Variants in FILIP1L observed in about 807,000 individuals in gnomAD.
FILIP1L encodes filamin A interacting protein 1 like, also known as filamin A-interacting protein 1-like.
In FILIP1L, 55 loss-of-function variants were observed where a neutral mutation model predicts 96.6. The observed-to-expected ratio is 0.57, with a 90% CI of 0.46 to 0.71. FILIP1L has a LOEUF of 0.71. Ranked by LOEUF, FILIP1L falls within the 30% of genes least tolerant of loss-of-function variation. FILIP1L has a pLI of 0.00. For missense variants in FILIP1L, 1,304 were observed against 1,321.2 expected, an observed-to-expected ratio of 0.99 and a Z score of 0.20; for synonymous variants, 467 against 473.9, an observed-to-expected ratio of 0.99 and a Z score of 0.19.
At chr3:99,880,456 C>T (rs1428996918) in intron 4 of FILIP1L, among the ~76,000 whole-genome samples, 5 of 152,036 alleles carry the variant, frequency 3.3e-5, no homozygotes, top group Non-Finnish European at 7.3e-5. Context: ...AATCTCTGGT[C>T]CCAGGCCTAT....
intron 1 of FILIP1L, among the ~76,000 whole-genome samples, chr3:100,071,051 A>G (rs1033816791): frequency 3.3e-5 from 5 of 150,770 alleles, no homozygotes; most frequent in Non-Finnish European, 7.4e-5. Context: ...TTTTTTTAAA[A>G]GAAAGGGGTT....
intron 4 of FILIP1L, among the ~76,000 whole-genome samples, chr3:99,911,466 T>C (rs1412318903): frequency 6.6e-6 from 1 of 152,018 alleles, no homozygotes; most frequent in Non-Finnish European, 1.5e-5. Flanking sequence ...GGTTGAGATT[T>C]TTCTGCATGA....
At chr3:100,081,031 T>G (rs1455497434) in intron 1 of FILIP1L, among the ~76,000 whole-genome samples, 1 of 152,240 alleles carries the variant, frequency 6.6e-6, no homozygotes, top group East Asian at 1.9e-4. Flanking sequence ...GAGCATCTTG[T>G]GTAATGAAGG....
intron 1 of FILIP1L, among the ~76,000 whole-genome samples, chr3:100,079,875 A>C (rs1356150514): frequency 6.6e-6 from 1 of 152,204 alleles, no homozygotes; most frequent in East Asian, 1.9e-4. Flanking sequence ...ACATAAAATA[A>C]ACATAGATGT....
At chr3:100,069,094 G>C (rs1048610331) in intron 1 of FILIP1L, among the ~76,000 whole-genome samples, 2 of 152,142 alleles carry the variant, frequency 1.3e-5, no homozygotes, top group African/African-American at 2.4e-5. Context: ...CAAGTCTGGT[G>C]CCTCAAACTA....
At chr3:99,990,019 A>G (rs1709465964) in intron 1 of FILIP1L, among the ~76,000 whole-genome samples, 1 of 152,196 alleles carries the variant, frequency 6.6e-6, no homozygotes, top group Non-Finnish European at 1.5e-5. Flanking sequence ...ATTAAGAAGT[A>G]TGAGTCTTTA....
intron 1 of FILIP1L, among the ~76,000 whole-genome samples, chr3:100,098,316 C>CCTAT (rs1559756876): frequency 6.6e-6 from 1 of 152,126 alleles, no homozygotes; most frequent in East Asian, 1.9e-4. Context: ...AGTGAAAAAC[C>CCTAT]CTATATTTGA....
Position 100,098,167 on chromosome 3 carries a change from C to G in FILIP1L, c.-11+15886G>C, listed in dbSNP as rs192292219. ...TTGCAGCACAGCCAGCTGAAAGCCT[C>G]CCTGTGATTCCCTCACCAGTTAGCA... On this transcript the variant is annotated intron_variant, in intron 1 of 5. Coordinates refer to ENST00000477258, the MANE Select transcript of FILIP1L (RefSeq NM_001387850.1). 3.5e-3 allele frequency among the ~76,000 whole-genome samples: 536 copies of G among 152,246 alleles called. 2 individuals are homozygous for G. The highest frequency in any genetic ancestry group is 0.012 in the African/African-American group (510 of 41,534).
chr3:100,031,751 T>C (rs549225133), intron 1 of FILIP1L, among the ~76,000 whole-genome samples: 1 of 152,286 alleles, frequency 6.6e-6, no homozygotes, highest in African/African-American at 2.4e-5. Context: ...TACGTTTATT[T>C]GCCTCACTTT....
chr3:99,848,260 GA>G, intron 5 of FILIP1L, 34 bp downstream of exon 5: 1 of 1,609,378 alleles, frequency 6.2e-7, no homozygotes, highest in South Asian at 1.1e-5. Flanking sequence ...TGGACTGGAT[GA>G]GGGTGAGCGT....
intron 4 of FILIP1L, chr3:99,876,295 C>T (rs1006650404): frequency 1.2e-6 from 1 of 809,834 alleles, no homozygotes; most frequent in Non-Finnish European, 1.5e-6. Flanking sequence ...TCGGCCGCGG[C>T]GGCGGCGCAG....
At chr3:99,954,036 A>C (rs1318880108) in intron 1 of FILIP1L, among the ~76,000 whole-genome samples, 1 of 152,222 alleles carries the variant, frequency 6.6e-6, no homozygotes, top group East Asian at 1.9e-4. Context: ...CTTGTTGTAC[A>C]TGTGACCCTC....
intron 1 of FILIP1L, among the ~76,000 whole-genome samples, chr3:100,106,886 A>G (rs957373318): frequency 6.6e-6 from 1 of 152,202 alleles, no homozygotes; most frequent in African/African-American, 2.4e-5. Flanking sequence ...CAGAAAGTTA[A>G]TAAGATAACA....
At chr3:100,059,303 C>G (rs1009028410) in intron 1 of FILIP1L, among the ~76,000 whole-genome samples, 1 of 152,156 alleles carries the variant, frequency 6.6e-6, no homozygotes, top group South Asian at 2.1e-4. Flanking sequence ...GCATTTGAGG[C>G]TATAATGGGA....
chr3:100,019,521 TTAAAG>T (rs1216534587), intron 1 of FILIP1L, among the ~76,000 whole-genome samples: 1 of 152,246 alleles, frequency 6.6e-6, no homozygotes, highest in African/African-American at 2.4e-5. Flanking sequence ...AAAAAGATTT[TTAAAG>T]TAATTTTTTA....
intron 1 of FILIP1L, among the ~76,000 whole-genome samples, chr3:99,937,620 G>T (rs1707720490): frequency 6.6e-6 from 1 of 152,186 alleles, no homozygotes; most frequent in Non-Finnish European, 1.5e-5. Context: ...TATTTGGTTA[G>T]CACAGGGCCC....
At chr3:99,876,803 C>T (rs1457016273) in intron 4 of FILIP1L, among the ~76,000 whole-genome samples, 1 of 152,140 alleles carries the variant, frequency 6.6e-6, no homozygotes, top group African/African-American at 2.4e-5. Flanking sequence ...AGAACTTCCT[C>T]TTTCCCCATT....
chr3:99,853,941 G>A (rs1343346407), intron 4 of FILIP1L, among the ~76,000 whole-genome samples: 2 of 152,156 alleles, frequency 1.3e-5, no homozygotes, highest in African/African-American at 4.8e-5. Flanking sequence ...AGGCCCTGAT[G>A]GAATCTTTTC....
chr3:100,027,522 G>A (rs1219943848), intron 1 of FILIP1L, among the ~76,000 whole-genome samples: 1 of 152,108 alleles, frequency 6.6e-6, no homozygotes. Context: ...CATGATGCCT[G>A]CCCTGCTCAG....
Sources: allele counts gnomAD v4.1 joint callset (sites outside exome capture counted in the v4.1 genomes callset), GRCh38; gene constraint gnomAD v4.1.1; transcripts MANE v1.5; gene names NCBI Gene and HGNC (gene_info 2026-07-23, HGNC 2026-07-21).